Variants in SRL observed in about 807,000 individuals in gnomAD.
The protein encoded by SRL is sarcalumenin.
SRL carries 23 observed loss-of-function variants against 39.5 expected under a neutral mutation model. The observed-to-expected ratio is 0.58, with a 90% confidence interval of 0.42 to 0.82. The LOEUF is 0.82. Ranked by LOEUF, SRL falls within the 40% of genes least tolerant of loss-of-function variation. SRL has a pLI of 0.00. For missense variants in SRL, 592 were observed against 607.8 expected (o/e 0.97, Z 0.27); for synonymous variants, 272 against 237.4 (o/e 1.15, Z -1.34).
At chr16:4,229,186 G>A (rs1292996827) in intron 1 of SRL, among the ~76,000 whole-genome samples, 1 of 152,026 alleles carries the variant, frequency 6.6e-6, no homozygotes, top group Non-Finnish European at 1.5e-5. Flanking sequence ...GCTCGCAACT[G>A]TAATCCCAGC....
chr16:4,212,233 G>A (rs77796948), intron 1 of SRL, among the ~76,000 whole-genome samples: 1,562 of 152,288 alleles, frequency 0.01, 31 homozygotes, highest in African/African-American at 0.037. Flanking sequence ...AAGGACTGAG[G>A]ATAATGGCTT....
intron 1 of SRL, chr16:4,206,693 G>C: frequency 2.2e-6 from 1 of 456,818 alleles, no homozygotes; most frequent in Non-Finnish European, 4.4e-6. Context: ...AGCTGCCCAA[G>C]GGACGGGGTT....
At chr16:4,207,969 A>G (rs1318475651) in intron 1 of SRL, 1 of 456,564 alleles carries the variant, frequency 2.2e-6, no homozygotes, top group Non-Finnish European at 4.4e-6. Flanking sequence ...GTGAAGGAGC[A>G]GTTTCTTGTC....
At chr16:4,208,882 A>T (rs971818530) in intron 1 of SRL, among the ~76,000 whole-genome samples, 1 of 152,142 alleles carries the variant, frequency 6.6e-6, no homozygotes, top group African/African-American at 2.4e-5. Context: ...ACTGCAGCTT[A>T]ACCCAGAGAG....
intron 1 of SRL, among the ~76,000 whole-genome samples, chr16:4,215,363 G>T (rs2052445981): frequency 6.6e-6 from 1 of 152,190 alleles, no homozygotes. Context: ...CCCTTAAAAT[G>T]ATTCATCCAG....
chr16:4,197,908 C>G lies in SRL; in HGVS notation c.267G>C (p.Glu89Asp). Residue 89 changes from glutamate (E) to aspartate (D), a missense_variant, in exon 4 of 6, where the codon GAG becomes GAC. By Grantham distance (45) the Glu-to-Asp change is conservative (BLOSUM62 2). Transcript: ENST00000399609. ...ACAGTACCATGGGCTTGGAGGTAATCTCTCCATCTGTGGGCAACAGGAAGT... is the reference window on the plus strand; with the variant it reads ...ACAGTACCATGGGCTTGGAGGTAATGTCTCCATCTGTGGGCAACAGGAAGT... ...ELRQHEITDGEITSKPMVLFL... is the reference protein window; with the variant it reads ...ELRQHEITDGDITSKPMVLFL... 6.2e-7 allele frequency: 1 copy of G among 1,609,704 alleles called. No individual in the cohort carries two copies. Among genetic ancestry groups the G allele is most frequent in the Non-Finnish European group, 8.5e-7 (1 of 1,175,960 alleles).
intron 5 of SRL, among the ~76,000 whole-genome samples, chr16:4,194,439 T>C (rs7188934): frequency 0.5 from 76,152 of 152,018 alleles, 19,279 homozygotes; most frequent in South Asian, 0.63. Flanking sequence ...AAGTAGGGCT[T>C]TGAAGAAGCC....
intron 1 of SRL, among the ~76,000 whole-genome samples, chr16:4,210,249 C>T (rs1373495963): frequency 6.6e-6 from 1 of 152,184 alleles, no homozygotes; most frequent in Non-Finnish European, 1.5e-5. Flanking sequence ...ACATCTCTAT[C>T]TCTCCACCTT....
At position 4,221,860 on chromosome 16, in the gene SRL, C is replaced by T. The variant is rs537368095; in HGVS notation, c.62-17226G>A. Among the ~76,000 whole-genome samples, 7 of 152,274 alleles carry T rather than the reference C, an allele frequency of 4.6e-5. No homozygotes were observed. In the South Asian group the frequency reaches 1.2e-3, roughly 27 times the overall value. On this transcript the variant is annotated intron_variant, in intron 1 of 5. Transcript: ENST00000399609. The stretch of plus-strand genomic sequence containing the variant: ...CAACTCTTGGCTTGTGGCTGCGTCA[C>T]TCCAGTCTCTGCCTCCACTGACACA...
chr16:4,215,983 C>T (rs2052455225), intron 1 of SRL, among the ~76,000 whole-genome samples: 1 of 151,986 alleles, frequency 6.6e-6, no homozygotes, highest in Non-Finnish European at 1.5e-5. Flanking sequence ...TTGCAATAAG[C>T]TTTGATAACA....
rs143363149 is a variant in SRL, at chr16:4,230,235, A to G, written c.61+11772T>C. Reference sequence around the variant, plus strand: ...GTGTCTGCAGAGCTCCAGATCAGCCAGGGGGGGCAACCCATGAGCTGTGGA... The same window carrying G: ...GTGTCTGCAGAGCTCCAGATCAGCCGGGGGGGGCAACCCATGAGCTGTGGA... On this transcript the variant is annotated intron_variant, in intron 1 of 5. Coordinates refer to ENST00000399609, the MANE Select transcript of SRL (RefSeq NM_001098814.2). Among the ~76,000 whole-genome samples, 110 of 151,966 alleles carry G rather than the reference A, an allele frequency of 7.2e-4. 1 individual carries two copies. The highest frequency in any genetic ancestry group is 2.6e-3 in the African/African-American group (107 of 41,288).
chr16:4,209,001 G>A (rs11861978), intron 1 of SRL, among the ~76,000 whole-genome samples: 1,949 of 152,288 alleles, frequency 0.013, 45 homozygotes, highest in African/African-American at 0.044. Context: ...GGCTAAGTGT[G>A]GTGGCTCATG....
chr16:4,223,698 C>G lies in SRL; in HGVS notation c.61+18309G>C, dbSNP rs909010276. On this transcript the variant is annotated intron_variant, in intron 1 of 5. Coordinates refer to ENST00000399609, the MANE Select transcript of SRL (RefSeq NM_001098814.2). Reference sequence around the variant, plus strand: ...CCACCACATCCGGCAAGGAATCTGCCTTTTAAACAAGCTCCCAGAAGATTC... The same window carrying G: ...CCACCACATCCGGCAAGGAATCTGCGTTTTAAACAAGCTCCCAGAAGATTC... Among the ~76,000 whole-genome samples the G allele has an allele frequency of 4.6e-5, 7 of 152,040 alleles. No individual in the cohort carries two copies. In the East Asian group the frequency reaches 1.4e-3, roughly 29 times the overall value.
Position 4,204,577 on chromosome 16 carries a change from T to G in SRL, c.119A>C (p.Lys40Thr). The change falls in exon 2 of 6, where the codon AAG becomes ACG. Residue 40 changes from lysine to threonine, a missense_variant. By Grantham distance (78) the Lys-to-Thr change is moderately conservative (BLOSUM62 -1). Transcript: ENST00000399609. ...CTTGTCCTCATTCAGCATGAGGGTC[T>G]TCTCGATGTGGGAGCGGTCCCTCAA... The part of the protein sequence containing the change: ...APLRDRSHIE[K>T]TLMLNEDKPS... 1 of 1,614,210 alleles carries G rather than the reference T, an allele frequency of 6.2e-7. No individual in the cohort carries two copies. The highest frequency in any genetic ancestry group is 8.5e-7 in the Non-Finnish European group (1 of 1,180,040).
intron 1 of SRL, among the ~76,000 whole-genome samples, chr16:4,214,294 G>A (rs1355311444): frequency 1.3e-5 from 2 of 152,234 alleles, no homozygotes; most frequent in African/African-American, 2.4e-5. Flanking sequence ...ACCTGCCAAG[G>A]TTATTCTTCC....
intron 1 of SRL, among the ~76,000 whole-genome samples, chr16:4,210,512 C>T (rs1349965204): frequency 5.9e-5 from 3 of 51,002 alleles, no homozygotes; most frequent in Admixed American, 2.1e-4. Context: ...TTTTTTGAGA[C>T]AAGGTCTCAC....
chr16:4,213,074 T>C (rs189046187), intron 1 of SRL, among the ~76,000 whole-genome samples: 7 of 151,982 alleles, frequency 4.6e-5, no homozygotes, highest in Admixed American at 4.6e-4. Context: ...AGTCCAAATA[T>C]ATGAACCTTA....
intron 3 of SRL, among the ~76,000 whole-genome samples, chr16:4,202,224 A>G (rs2052244471): frequency 6.6e-6 from 1 of 152,242 alleles, no homozygotes; most frequent in African/African-American, 2.4e-5. Flanking sequence ...ACATCCATCT[A>G]TGTGCTCACA....
At position 4,222,340 on chromosome 16, in the gene SRL, T is replaced by C. The variant is rs539597922; in HGVS notation, c.62-17706A>G. On this transcript the variant is annotated intron_variant, in intron 1 of 5. Coordinates refer to ENST00000399609, the MANE Select transcript of SRL (RefSeq NM_001098814.2). Reference sequence around the variant, plus strand: ...CCCAGGATAGAGTGCAGTGGCACGATCTCAGCTCACTGCAACCTCCACCTC... The same window carrying C: ...CCCAGGATAGAGTGCAGTGGCACGACCTCAGCTCACTGCAACCTCCACCTC... 7.9e-5 allele frequency among the ~76,000 whole-genome samples: 12 copies of C among 152,328 alleles called. No homozygotes were observed. In the East Asian group the frequency reaches 2.3e-3, roughly 29 times the overall value.
Sources: allele counts gnomAD v4.1 joint callset (sites outside exome capture counted in the v4.1 genomes callset), GRCh38; gene constraint gnomAD v4.1.1; transcripts MANE v1.5; gene names NCBI Gene and HGNC (gene_info 2026-07-23, HGNC 2026-07-21).